ASMT: variants seen among roughly 807,000 people sequenced by gnomAD.
ASMT encodes acetylserotonin O-methyltransferase, also known as acetylserotonin N-methyltransferase.
ASMT carries 53 observed loss-of-function variants against 41.3 expected under a neutral mutation model. That is an observed-to-expected ratio of 1.28 (90% confidence interval 1.03 to 1.61). The LOEUF (loss-of-function observed/expected upper bound fraction) is 1.61, where lower values mean the gene tolerates loss of function less well. ASMT is among the 40% of genes most tolerant of loss of function. The pLI is 0.00. For missense variants in ASMT, 531 were observed against 441.3 expected, an observed-to-expected ratio of 1.20 and a Z score of -1.82; for synonymous variants, 231 against 184.8, an observed-to-expected ratio of 1.25 and a Z score of -2.03.
chrX:1,625,750 C>A (rs1355640402), intron 3 of ASMT, among the ~76,000 whole-genome samples: 1 of 151,110 alleles, frequency 6.6e-6, no homozygotes, highest in Non-Finnish European at 1.5e-5. Context: ...GTCAGGAGAT[C>A]GAGACCATCC....
At chrX:1,616,645 GA>G (rs1162520953) in intron 1 of ASMT, among the ~76,000 whole-genome samples, 10 of 151,444 alleles carry the variant, frequency 6.6e-5, no homozygotes, top group Admixed American at 6.6e-4. Context: ...CGAAACGAGG[GA>G]ATCGCTTTAG....
intron 5 of ASMT, among the ~76,000 whole-genome samples, chrX:1,631,267 C>T (rs1242476312): frequency 2.6e-5 from 4 of 151,682 alleles, no homozygotes; most frequent in African/African-American, 9.7e-5. Flanking sequence ...CCTGGCTGGT[C>T]TCAGACTCCA....
intron 4 of ASMT, among the ~76,000 whole-genome samples, chrX:1,629,284 A>G (rs1421167059): frequency 2.6e-5 from 4 of 152,138 alleles, no homozygotes; most frequent in Admixed American, 6.6e-5. Context: ...AAACCCCTAC[A>G]GCAGGCTCTG....
Position 1,619,243 on chromosome X carries a change from A to C in ASMT, c.70-3896A>C, listed in dbSNP as rs1303530249. Among the ~76,000 whole-genome samples the C allele has an allele frequency of 2.6e-5, 4 of 151,682 alleles. No homozygotes were observed. In the East Asian group the frequency reaches 7.7e-4, roughly 29 times the overall value. ...ATCCCATCTCTACTAAAAATACAAA[A>C]ATTACCTGGGCGTGGTGGCGGGCAC... is the stretch of plus-strand genomic sequence containing the variant. On this transcript the variant is annotated intron_variant, in intron 1 of 8. Transcript: ENST00000381241.
At chrX:1,634,052 C>CATGTGTCCAGACCAT (rs1297778752) in intron 7 of ASMT, among the ~76,000 whole-genome samples, 8 of 151,260 alleles carry the variant, frequency 5.3e-5, no homozygotes, top group African/African-American at 1.2e-4. Flanking sequence ...GGATTACAGG[C>CATGTGTCCAGACCAT]GTGAGCCACC....
At chrX:1,630,488 A>G (rs528342222) in intron 5 of ASMT, among the ~76,000 whole-genome samples, 2 of 151,808 alleles carry the variant, frequency 1.3e-5, no homozygotes, top group African/African-American at 4.8e-5. Flanking sequence ...GTATTTTTTA[A>G]TAGAGACGGG....
chrX:1,622,764 T>G (rs1934381812), intron 1 of ASMT, among the ~76,000 whole-genome samples: 1 of 150,784 alleles, frequency 6.6e-6, no homozygotes, highest in Admixed American at 6.6e-5. Context: ...ACACAAAAAT[T>G]AGACAGGCAT....
In ASMT at chrX:1,615,182, G is replaced by C. The variant is rs369927563; in HGVS notation, c.-18G>C. On this transcript the variant is annotated 5_prime_UTR_variant, in exon 1 of 9. Coordinates refer to ENST00000381241, the MANE Select transcript of ASMT (RefSeq NM_001171038.2). ...GCGCTCCAGAGGCTCCGGAAGCCAC[G>C]GCTGGATTGGAGACAAGATGGGATC... 3.8e-6 allele frequency: 6 copies of C among 1,582,844 alleles called. No homozygotes were observed. In the African/African-American group the frequency reaches 8.1e-5, roughly 21 times the overall value.
At chrX:1,631,903 G>T (rs1934792100) in intron 5 of ASMT, among the ~76,000 whole-genome samples, 3 of 152,054 alleles carry the variant, frequency 2.0e-5, no homozygotes, top group Admixed American at 1.3e-4. Flanking sequence ...CAAAAACTTA[G>T]CCAGGCATGA....
intron 1 of ASMT, among the ~76,000 whole-genome samples, chrX:1,617,549 C>T (rs1342549498): frequency 6.6e-6 from 1 of 151,960 alleles, no homozygotes; most frequent in Non-Finnish European, 1.5e-5. Context: ...TGCAGCAGCT[C>T]TCGTGTGACT....
At chrX:1,615,538 C>G (rs760082969) in intron 1 of ASMT, among the ~76,000 whole-genome samples, 5 of 152,182 alleles carry the variant, frequency 3.3e-5, no homozygotes, top group Admixed American at 1.3e-4. Context: ...CGTGGTGGCT[C>G]ACACCTGTGA....
At chrX:1,631,936 G>A (rs1284439350) in intron 5 of ASMT, among the ~76,000 whole-genome samples, 1 of 151,938 alleles carries the variant, frequency 6.6e-6, no homozygotes, top group Non-Finnish European at 1.5e-5. Flanking sequence ...GTCATCCCAG[G>A]TACTCAGGAG....
In ASMT at chrX:1,627,380, G is replaced by A. The variant is rs1244611383; in HGVS notation, c.375-323G>A. The stretch of plus-strand genomic sequence containing the variant: ...CTCACACCTGTAACCCCACCACTTT[G>A]GGAGGCCGAGGCGGGTGGATCACCT... On this transcript the variant is annotated intron_variant, in intron 3 of 8. Coordinates refer to ENST00000381241, the MANE Select transcript of ASMT (RefSeq NM_001171038.2). Among the ~76,000 whole-genome samples, 67 of 151,116 alleles carry A rather than the reference G, an allele frequency of 4.4e-4. 1 individual carries two copies. The highest frequency in any genetic ancestry group is 8.5e-4 in the Non-Finnish European group (58 of 67,910).
chrX:1,619,520 G>T (rs1174201403), intron 1 of ASMT, among the ~76,000 whole-genome samples: 1 of 146,598 alleles, frequency 6.8e-6, no homozygotes, highest in Non-Finnish European at 1.5e-5. Context: ...AAACCTGCAC[G>T]TTCTGCACAT....
In ASMT at chrX:1,641,460, C is replaced by CCA. The variant is rs1368699667; in HGVS notation, c.911-1342_911-1341dup. On this transcript the variant is annotated intron_variant, in intron 8 of 8. Transcript: ENST00000381241. ...CTCTGTGTGTGATGGGGACAGTGTC[C>CCA]CAGCTCTCCTGTGAGGTCCATCCAT... Among the ~76,000 whole-genome samples the CCA allele has an allele frequency of 2.0e-5, 3 of 149,340 alleles. No individual in the cohort carries two copies. The Admixed American group carries it at 2.1e-4, about 10-fold the overall frequency.
At position 1,616,875 on chromosome X, in the gene ASMT, A is replaced by AT. The variant is rs1238426197; in HGVS notation, c.69+1613dup. ...AGGCACCCGCCACCACGCCCGGCTA[A>AT]TTTTTTGTATTTTTAGTAGAGACGG... On this transcript the variant is annotated intron_variant, in intron 1 of 8. Coordinates refer to ENST00000381241, the MANE Select transcript of ASMT (RefSeq NM_001171038.2). 4.0e-5 allele frequency among the ~76,000 whole-genome samples: 6 copies of AT among 151,664 alleles called. No individual in the cohort carries two copies. The East Asian group carries it at 5.9e-4, about 15-fold the overall frequency.
intron 7 of ASMT, chrX:1,636,102 C>T (rs1197027581): frequency 2.8e-6 from 1 of 359,986 alleles, no homozygotes; most frequent in South Asian, 2.2e-5. Flanking sequence ...ACCACAGGCA[C>T]CCGCCATCAC....
At chrX:1,636,832 T>A (rs1178552475) in intron 8 of ASMT, among the ~76,000 whole-genome samples, 4 of 152,268 alleles carry the variant, frequency 2.6e-5, no homozygotes, top group African/African-American at 9.6e-5. Context: ...GGCTAGTATT[T>A]GTGTGTGTGA....
At chrX:1,617,364 G>A (rs1430066377) in intron 1 of ASMT, among the ~76,000 whole-genome samples, 1 of 150,550 alleles carries the variant, frequency 6.6e-6, no homozygotes, top group Non-Finnish European at 1.5e-5. Flanking sequence ...CATTTACTCG[G>A]GAGGCTGAGG....
Sources: gnomAD v4.1 joint callset for allele counts (sites outside exome capture counted in the v4.1 genomes callset) on GRCh38, gnomAD v4.1.1 for gene constraint, MANE v1.5 for transcripts, NCBI Gene and HGNC (gene_info 2026-07-23, HGNC 2026-07-21) for gene names.